GAB2: variants seen among roughly 807,000 people sequenced by gnomAD.
GAB2 encodes GRB2-associated-binding protein 2.
GAB2 carries 26 observed loss-of-function variants against 65.5 expected under a neutral mutation model. The observed-to-expected ratio is 0.40, with a 90% CI of 0.29 to 0.55. The LOEUF (loss-of-function observed/expected upper bound fraction) is 0.55, where lower values mean the gene tolerates loss of function less well. GAB2 is among the 20% of genes least tolerant of loss of function. The probability of loss-of-function intolerance (pLI) is 0.53; values close to 1 mark genes in which losing one functional copy is unlikely to be tolerated. For missense variants in GAB2, 884 were observed against 875.8 expected (o/e 1.01, Z -0.12); for synonymous variants, 321 against 329.6 (o/e 0.97, Z 0.28).
chr11:78,415,938 AC>A (rs1857189545), intron 1 of GAB2, among the ~76,000 whole-genome samples: 2 of 134,718 alleles, frequency 1.5e-5, no homozygotes, highest in African/African-American at 6.0e-5. Flanking sequence ...ATTAAGGGTC[AC>A]TTTTTTTTTT....
At chr11:78,313,772 G>A (rs1027421352) in intron 1 of GAB2, among the ~76,000 whole-genome samples, 1 of 152,214 alleles carries the variant, frequency 6.6e-6, no homozygotes, top group Non-Finnish European at 1.5e-5. Context: ...AAACACTGAA[G>A]AGACCCTTAC....
chr11:78,374,112 G>A (rs1340909884), intron 1 of GAB2, among the ~76,000 whole-genome samples: 2 of 152,088 alleles, frequency 1.3e-5, no homozygotes. Flanking sequence ...TATAACACAT[G>A]ATAAGCAGGC....
At chr11:78,308,958 G>C (rs569740939) in intron 1 of GAB2, among the ~76,000 whole-genome samples, 2 of 152,316 alleles carry the variant, frequency 1.3e-5, no homozygotes, top group East Asian at 3.9e-4. Context: ...GAAAGATGCT[G>C]AGGGTAGGAG....
chr11:78,288,224 C>T (rs993637710), intron 1 of GAB2, among the ~76,000 whole-genome samples: 6 of 150,658 alleles, frequency 4.0e-5, no homozygotes, highest in African/African-American at 1.5e-4. Flanking sequence ...TACTAAAATA[C>T]AAAAATTAGC....
chr11:78,403,918 A>T (rs1482465571), intron 1 of GAB2, among the ~76,000 whole-genome samples: 1 of 152,208 alleles, frequency 6.6e-6, no homozygotes, highest in Non-Finnish European at 1.5e-5. Flanking sequence ...TTTTTGTAAA[A>T]TATGCTAAGT....
At chr11:78,283,225 C>A (rs768700281) in intron 1 of GAB2, among the ~76,000 whole-genome samples, 8 of 152,172 alleles carry the variant, frequency 5.3e-5, no homozygotes, top group Non-Finnish European at 8.8e-5. Context: ...TACACATGTT[C>A]CATGACTACA....
At chr11:78,313,144 G>A (rs1320221713) in intron 1 of GAB2, among the ~76,000 whole-genome samples, 1 of 152,142 alleles carries the variant, frequency 6.6e-6, no homozygotes, top group Non-Finnish European at 1.5e-5. Context: ...GTTGTCACGA[G>A]AATCTGATGT....
intron 2 of GAB2, among the ~76,000 whole-genome samples, chr11:78,264,882 A>G (rs902685147): frequency 3.9e-5 from 6 of 152,178 alleles, no homozygotes; most frequent in Non-Finnish European, 7.3e-5. Context: ...CGGGAGATAA[A>G]AGTAGCATGG....
At chr11:78,373,807 G>A (rs1856601617) in intron 1 of GAB2, among the ~76,000 whole-genome samples, 1 of 152,168 alleles carries the variant, frequency 6.6e-6, no homozygotes, top group South Asian at 2.1e-4. Flanking sequence ...CCCTCAAACA[G>A]AAATCACCTC....
intron 1 of GAB2, among the ~76,000 whole-genome samples, chr11:78,411,806 C>A (rs1310049928): frequency 6.6e-6 from 1 of 151,342 alleles, no homozygotes; most frequent in East Asian, 1.9e-4. Flanking sequence ...CCAAGGTGGG[C>A]GGATCACGAG....
At chr11:78,312,286 TACCACCACCACC>T (rs558388058) in intron 1 of GAB2, among the ~76,000 whole-genome samples, 2 of 151,898 alleles carry the variant, frequency 1.3e-5, no homozygotes, top group Admixed American at 6.5e-5. Context: ...GTGTGGTCTT[TACCACCACCACC>T]ACCACCACCA....
intron 1 of GAB2, among the ~76,000 whole-genome samples, chr11:78,386,888 T>C (rs1856775068): frequency 6.6e-6 from 1 of 152,234 alleles, no homozygotes. Flanking sequence ...GTCAAGGAAG[T>C]TGGAAGGCAC....
rs201188616 is a variant in GAB2, at chr11:78,250,119, G to A, written c.620+38C>T. 8.1e-4 allele frequency: 1,297 copies of A among 1,605,240 alleles called. 3 individuals carry two copies. The highest frequency in any genetic ancestry group is 2.8e-3 in the Middle Eastern group (14 of 4,950). ...CTGAAAAGTACTAGGCCCTGTGAGC[G>A]GTCACTAACCCACCTAATGGCTGTG... On this transcript the variant is annotated intron_variant, in intron 3 of 9. Transcript: ENST00000361507.
At chr11:78,351,826 T>C (rs1440522213) in intron 1 of GAB2, among the ~76,000 whole-genome samples, 4 of 152,022 alleles carry the variant, frequency 2.6e-5, no homozygotes, top group Admixed American at 1.3e-4. Flanking sequence ...GAGAAAAGAA[T>C]AATGGGAGTC....
intron 1 of GAB2, among the ~76,000 whole-genome samples, chr11:78,297,531 C>A (rs1212388058): frequency 6.6e-6 from 1 of 152,012 alleles, no homozygotes; most frequent in East Asian, 1.9e-4. Flanking sequence ...ATGGGAACTA[C>A]TGTCGTGCAC....
chr11:78,319,871 CTT>C (rs59307063), intron 1 of GAB2, among the ~76,000 whole-genome samples: 7,487 of 145,700 alleles, frequency 0.051, 608 homozygotes, highest in African/African-American at 0.18. Context: ...AAGAAACAGA[CTT>C]TTTTTTTTTT....
At chr11:78,401,233 A>G (rs1856967585) in intron 1 of GAB2, among the ~76,000 whole-genome samples, 1 of 152,128 alleles carries the variant, frequency 6.6e-6, no homozygotes, top group South Asian at 2.1e-4. Flanking sequence ...ATTACCACCA[A>G]TGTCCAGAAC....
chr11:78,234,668 G>C (rs960787722), intron 3 of GAB2, among the ~76,000 whole-genome samples: 3 of 149,858 alleles, frequency 2.0e-5, no homozygotes, highest in African/African-American at 7.4e-5. Flanking sequence ...TTCTCTCCTG[G>C]ACTTGCTAAT....
intron 1 of GAB2, among the ~76,000 whole-genome samples, chr11:78,374,565 G>A (rs1856610029): frequency 6.6e-6 from 1 of 152,236 alleles, no homozygotes; most frequent in South Asian, 2.1e-4. Flanking sequence ...ATAAAATAAT[G>A]ATTCAAATAT....
Sources: gnomAD v4.1 joint callset for allele counts (sites outside exome capture counted in the v4.1 genomes callset) on GRCh38, gnomAD v4.1.1 for gene constraint, MANE v1.5 for transcripts, NCBI Gene and HGNC (gene_info 2026-07-23, HGNC 2026-07-21) for gene names.